ZNF628: variants seen among roughly 807,000 people sequenced by gnomAD.
The protein encoded by ZNF628 is zinc finger protein 628, also known as zinc finger protein Zec.
A neutral mutation model predicts 2.5 loss-of-function variants in ZNF628; 3 were observed. The observed-to-expected ratio is 1.19, with a 90% confidence interval of 0.54 to 3.07. The LOEUF (loss-of-function observed/expected upper bound fraction) is 3.07, where lower values mean the gene tolerates loss of function less well. Ranked by LOEUF, ZNF628 falls within the 30% of genes most tolerant of loss-of-function variation. The probability of loss-of-function intolerance (pLI) is 0.03; values close to 1 mark genes in which losing one functional copy is unlikely to be tolerated. For missense variants in ZNF628, 1,610 were observed against 1,517.1 expected (o/e 1.06, Z -1.02); for synonymous variants, 861 against 717.1 (o/e 1.20, Z -3.21).
rs1243700548 is a variant in ZNF628, at chr19:55,482,865, C to T, written c.1672C>T (p.His558Tyr). The T allele has an allele frequency of 1.2e-6, 2 of 1,603,408 alleles. No individual in the cohort carries two copies. Among genetic ancestry groups the T allele is most frequent in the Admixed American group, 1.7e-5 (1 of 59,698 alleles). The change falls in exon 3 of 3, where the codon CAC (histidine) becomes TAC (tyrosine). Residue 558 changes from histidine (H) to tyrosine (Y), a missense_variant. His to Tyr is a moderately conservative substitution (Grantham distance 83). Transcript: ENST00000598519. ...RNTSCLRRHR[H>Y]VHTGERPHAC... ...CACGTCGTGCCTGCGTCGCCACCGCCACGTGCACACTGGCGAGAGGCCCCA... is the reference window on the plus strand; with the variant it reads ...CACGTCGTGCCTGCGTCGCCACCGCTACGTGCACACTGGCGAGAGGCCCCA...
chr19:55,480,160 T>G (rs1464712851), intron 2 of ZNF628, among the ~76,000 whole-genome samples: 1 of 151,634 alleles, frequency 6.6e-6, no homozygotes, highest in African/African-American at 2.4e-5. Flanking sequence ...TTTGGGGAGT[T>G]GGAGCACCAA....
Position 55,483,523 on chromosome 19 carries a change from C to T in ZNF628, c.2330C>T (p.Pro777Leu). ...AGQGAGVVWL[P>L]GPGGLGVQGA... ...CAGGGGGCGGGAGTGGTCTGGCTGC[C>T]AGGCCCTGGGGGTCTAGGGGTGCAG... is the stretch of plus-strand genomic sequence containing the variant. Residue 777 changes from proline (P) to leucine (L), a missense_variant, in exon 3 of 3, where the codon CCA becomes CTA. Around this residue, in one of 5 missense-constraint regions of ZNF628, gnomAD observed 712 missense variants for 603.6 expected, o/e 1.18. Coordinates refer to ENST00000598519, the MANE Select transcript of ZNF628 (RefSeq NM_033113.3). The T allele has an allele frequency of 3.8e-6, 6 of 1,564,430 alleles. No individual in the cohort carries two copies. The highest frequency in any genetic ancestry group is 5.2e-6 in the Non-Finnish European group (6 of 1,154,056).
chr19:55,484,484 C>T lies in ZNF628; in HGVS notation c.*111C>T, dbSNP rs560487163. 69 of 997,430 alleles carry T rather than the reference C, an allele frequency of 6.9e-5. No homozygotes were observed. In the South Asian group the frequency reaches 1.3e-3, roughly 18 times the overall value. 61.8% of individuals were successfully genotyped at this position (997,430 alleles called of 1,614,324 possible). ...TTGCTAATAAAGACCCGAGTCTCCC[C>T]GCCTGTGTTTTGTTTTCCTGGGGGG... On this transcript the variant is annotated 3_prime_UTR_variant, in exon 3 of 3. Coordinates refer to ENST00000598519, the MANE Select transcript of ZNF628 (RefSeq NM_033113.3).
rs1015751988 is a variant in ZNF628, at chr19:55,479,344, G to A, written c.-77-490G>A. 2.0e-5 allele frequency among the ~76,000 whole-genome samples: 3 copies of A among 152,232 alleles called. No homozygotes were observed. Among genetic ancestry groups the A allele is most frequent in the African/African-American group, 7.2e-5 (3 of 41,462 alleles). On this transcript the variant is annotated intron_variant, in intron 1 of 2. Coordinates refer to ENST00000598519, the MANE Select transcript of ZNF628 (RefSeq NM_033113.3). This position sits in a 1 kb window ranked among gnomAD's most constrained non-coding sequence, Gnocchi z 5.1. ...AGGGGTTTGCGCTGGGAAAGAGCGG[G>A]CTGACACTTGAGCTGCTCTGCTGTG...
chr19:55,482,529 G>A lies in ZNF628; in HGVS notation c.1336G>A (p.Ala446Thr), dbSNP rs200132966. 2 of 1,132,550 alleles carry A rather than the reference G, an allele frequency of 1.8e-6. No individual in the cohort carries two copies. The highest frequency in any genetic ancestry group is 1.6e-5 in the African/African-American group (1 of 61,576). 70.2% of individuals were successfully genotyped at this position (1,132,550 alleles called of 1,614,324 possible). Residue 446 changes from alanine to threonine, a missense_variant, in exon 3 of 3, where the codon GCC becomes ACC. Transcript: ENST00000598519. The stretch of plus-strand genomic sequence containing the variant: ...CCCCGTCCCGCCGCCACCCCCGTCC[G>A]CCCCCGCTTCTGCGGAGCGGCCCTA... The part of the protein sequence containing the change: ...AAPVPPPPPS[A>T]PASAERPYKC...
Position 55,483,095 on chromosome 19 carries a change from C to T in ZNF628, c.1902C>T (p.Ala634=), listed in dbSNP as rs778452703. The T allele has an allele frequency of 3.1e-6, 5 of 1,605,884 alleles. No individual in the cohort carries two copies. Among genetic ancestry groups the T allele is most frequent in the East Asian group, 2.2e-5 (1 of 44,848 alleles). ...TCTGCGGTCGCGGCTTCGTTATGGC[C>T]GCCTATCTGCAGCGGCACCTGAGGA... The part of the protein sequence containing the change: ...CPICGRGFVM[A]AYLQRHLRTH... Residue 634 remains alanine (A), a synonymous_variant, in exon 3 of 3, where the codon GCC becomes GCT. Coordinates refer to ENST00000598519, the MANE Select transcript of ZNF628 (RefSeq NM_033113.3).
Position 55,482,358 on chromosome 19 carries a change from G to A in ZNF628, c.1165G>A (p.Gly389Ser), listed in dbSNP as rs1484176951. Residue 389 changes from glycine (G) to serine (S), a missense_variant, in exon 3 of 3, where the codon GGC (glycine) becomes AGC (serine). Coordinates refer to ENST00000598519, the MANE Select transcript of ZNF628 (RefSeq NM_033113.3). ...GAAGGQAFRC[G>S]SCDGSFPQLA... ...TGCCGGCGGGCAAGCGTTCCGCTGC[G>A]GCAGCTGCGACGGCTCCTTCCCGCA... 14 of 1,441,306 alleles carry A rather than the reference G, an allele frequency of 9.7e-6. No homozygotes were observed. The highest frequency in any genetic ancestry group is 1.1e-5 in the Non-Finnish European group (12 of 1,101,722). 89.3% of individuals were successfully genotyped at this position (1,441,306 alleles called of 1,614,324 possible).
At chr19:55,480,038 G>T (rs576729413) in intron 2 of ZNF628, 121 bp downstream of exon 2, 2 of 396,728 alleles carry the variant, frequency 5.0e-6, no homozygotes, top group South Asian at 1.3e-4. Context: ...AGGCAAGGGG[G>T]TGCCTGTCAT....
At position 55,484,008 on chromosome 19, in the gene ZNF628, C is replaced by A; in HGVS notation, c.2815C>A (p.Leu939Met). ...CGAGGGCTTGCAGAGCGTGCTGGTGCTGAGCGGGGCCGATGGCGAACAGAC... is the reference window on the plus strand; with the variant it reads ...CGAGGGCTTGCAGAGCGTGCTGGTGATGAGCGGGGCCGATGGCGAACAGAC... ...TDEGLQSVLV[L>M]SGADGEQTRL... The change falls in exon 3 of 3, where the codon CTG becomes ATG. Residue 939 changes from leucine (L) to methionine (M), a missense_variant. Transcript: ENST00000598519. 6.3e-7 allele frequency: 1 copy of A among 1,589,748 alleles called. No individual in the cohort carries two copies. Among genetic ancestry groups the A allele is most frequent in the Non-Finnish European group, 8.6e-7 (1 of 1,167,198 alleles).
chr19:55,482,371 G>A lies in ZNF628; in HGVS notation c.1178G>A (p.Gly393Asp). The change falls in exon 3 of 3, where the codon GGC becomes GAC. Residue 393 changes from glycine (G) to aspartate (D), a missense_variant. This residue lies in a region of ZNF628 where 651 missense variants were observed against 575.6 expected (regional missense o/e 1.13). Coordinates refer to ENST00000598519, the MANE Select transcript of ZNF628 (RefSeq NM_033113.3). ...GQAFRCGSCD[G>D]SFPQLASLLA... ...GCGTTCCGCTGCGGCAGCTGCGACG[G>A]CTCCTTCCCGCAGCTGGCCAGCCTC... The A allele has an allele frequency of 7.0e-7, 1 of 1,430,542 alleles. No individual in the cohort carries two copies. Among genetic ancestry groups the A allele is most frequent in the Non-Finnish European group, 9.1e-7 (1 of 1,095,718 alleles). 88.6% of individuals were successfully genotyped at this position (1,430,542 alleles called of 1,614,324 possible).
intron 2 of ZNF628, among the ~76,000 whole-genome samples, chr19:55,480,580 C>T (rs571335390): frequency 5.3e-5 from 8 of 152,220 alleles, no homozygotes; most frequent in South Asian, 2.1e-4. Flanking sequence ...ACCACCATGC[C>T]GGGCTAATTT....
chr19:55,478,603 T>G (rs1479953581), intron 1 of ZNF628, among the ~76,000 whole-genome samples: 1 of 152,206 alleles, frequency 6.6e-6, no homozygotes, highest in Non-Finnish European at 1.5e-5. Context: ...CCCTCCCTGT[T>G]GACGGGTTCG....
Position 55,479,860 on chromosome 19 carries a change from G to A in ZNF628, c.-51G>A. ...GGCATGATCAAGGACAGGGTTGCCT[G>A]CCAAGAACAGGAGGGGAGAGGAGGG... On this transcript the variant is annotated 5_prime_UTR_variant, in exon 2 of 3. Coordinates refer to ENST00000598519, the MANE Select transcript of ZNF628 (RefSeq NM_033113.3). The surrounding 1 kb of genome is among the most constrained non-coding windows in gnomAD (Gnocchi z 5.1). 2.5e-6 allele frequency: 1 copy of A among 400,576 alleles called. No individual in the cohort carries two copies. Among genetic ancestry groups the A allele is most frequent in the East Asian group, 3.5e-5 (1 of 28,298 alleles). The allele number at this position is 400,576 out of a possible 1,614,324, so 24.8% of individuals were successfully genotyped here. A position where few individuals can be genotyped will look rare whatever the true frequency, so the allele number is the denominator to read the frequency against.
rs938487398 is a variant in ZNF628 at position 55,484,228 on chromosome 19, C to T, written c.3035C>T (p.Pro1012Leu). 3.2e-6 allele frequency: 5 copies of T among 1,548,458 alleles called. No homozygotes were observed. The highest frequency in any genetic ancestry group is 4.4e-6 in the Non-Finnish European group (5 of 1,146,404). Reference sequence around the variant, plus strand: ...CCGCCGTCAGGCCCAGCCTCGGGCCCCGCGGGGCTCCCCGGGGCTCCAGCC... The same window carrying T: ...CCGCCGTCAGGCCCAGCCTCGGGCCTCGCGGGGCTCCCCGGGGCTCCAGCC... ...APPPSGPASG[P>L]AGLPGAPASQ... Residue 1012 changes from proline to leucine, a missense_variant, in exon 3 of 3, where the codon CCC becomes CTC. Pro to Leu is a moderately conservative substitution (Grantham distance 98). This residue lies in a region of ZNF628 where 712 missense variants were observed against 603.6 expected (regional missense o/e 1.18). Transcript: ENST00000598519.
chr19:55,483,151 C>T lies in ZNF628; in HGVS notation c.1958C>T (p.Thr653Ile), dbSNP rs756501494. 3.2e-6 allele frequency: 5 copies of T among 1,571,744 alleles called. No homozygotes were observed. In the Admixed American group the frequency reaches 5.4e-5, roughly 17 times the overall value. Residue 653 changes from threonine to isoleucine, a missense_variant, in exon 3 of 3, where the codon ACC becomes ATC. This residue lies in a region of ZNF628 where 712 missense variants were observed against 603.6 expected (regional missense o/e 1.18). Coordinates refer to ENST00000598519, the MANE Select transcript of ZNF628 (RefSeq NM_033113.3). ...THAPANTPPS[T>I]TAPAAGPQPP... ...GCCCCGGCCAACACGCCTCCCAGCACCACAGCCCCTGCCGCCGGCCCCCAG... is the reference window on the plus strand; with the variant it reads ...GCCCCGGCCAACACGCCTCCCAGCATCACAGCCCCTGCCGCCGGCCCCCAG...
chr19:55,477,762 C>CAAA (rs34279078), intron 1 of ZNF628, among the ~76,000 whole-genome samples: 2 of 149,346 alleles, frequency 1.3e-5, no homozygotes, highest in Non-Finnish European at 3.0e-5. Flanking sequence ...ACCCTGTCTC[C>CAAA]AAAAAAAAAC....
chr19:55,483,228 C>T lies in ZNF628; in HGVS notation c.2035C>T (p.His679Tyr). ...GGCCCCGCCAGCCACCCAAGATGTC[C>T]ACGTCCTGCCCCACCTCCAGGCCAC... The part of the protein sequence containing the change: ...ARAPPATQDV[H>Y]VLPHLQATLS... Residue 679 changes from histidine (H) to tyrosine (Y), a missense_variant, in exon 3 of 3, where the codon CAC (histidine) becomes TAC (tyrosine). By Grantham distance (83) the His-to-Tyr change is moderately conservative. Transcript: ENST00000598519. The T allele has an allele frequency of 6.5e-7, 1 of 1,539,284 alleles. No individual in the cohort carries two copies. Among genetic ancestry groups the T allele is most frequent in the East Asian group, 2.4e-5 (1 of 41,116 alleles).
chr19:55,482,519 A>G lies in ZNF628; in HGVS notation c.1326A>G (p.Pro442=), dbSNP rs1167771735. 3.3e-6 allele frequency: 3 copies of G among 912,426 alleles called. No individual in the cohort carries two copies. Among genetic ancestry groups the G allele is most frequent in the Non-Finnish European group, 4.7e-6 (3 of 637,438 alleles). 56.5% of individuals were successfully genotyped at this position (912,426 alleles called of 1,614,324 possible). Reference sequence around the variant, plus strand: ...CGCCTGCCGCCCCCGTCCCGCCGCCACCCCCGTCCGCCCCCGCTTCTGCGG... The same window carrying G: ...CGCCTGCCGCCCCCGTCCCGCCGCCGCCCCCGTCCGCCCCCGCTTCTGCGG... ...PLAPAAPVPP[P]PPSAPASAER... The change falls in exon 3 of 3, where the codon CCA becomes CCG. Residue 442 remains proline (P), a synonymous_variant. Transcript: ENST00000598519.
intron 2 of ZNF628, among the ~76,000 whole-genome samples, chr19:55,480,431 A>AT (rs1490214191): frequency 6.6e-6 from 1 of 150,654 alleles, no homozygotes; most frequent in African/African-American, 2.5e-5. Context: ...TTATTTAATT[A>AT]TTTTTTGAGA....
Sources: gnomAD v4.1 joint callset for allele counts (sites outside exome capture counted in the v4.1 genomes callset) on GRCh38, gnomAD v4.1.1 for gene constraint, gnomAD v4.1.1 regional missense constraint, Gnocchi (gnomAD v3.1) non-coding constraint, MANE v1.5 for transcripts, NCBI Gene and HGNC (gene_info 2026-07-23, HGNC 2026-07-21) for gene names.